Variants in PDYN observed in about 807,000 individuals in gnomAD.
PDYN encodes prodynorphin.
In PDYN, 5 loss-of-function variants were observed where a neutral mutation model predicts 11.4. The observed-to-expected ratio is 0.44, with a 90% CI of 0.23 to 0.92. The LOEUF (loss-of-function observed/expected upper bound fraction) is 0.92. Ranked by LOEUF, PDYN falls within the 40% of genes least tolerant of loss-of-function variation. The pLI is 0.24. For missense variants in PDYN, 337 were observed against 317.3 expected (o/e 1.06, Z -0.47); for synonymous variants, 132 against 129.5 (o/e 1.02, Z -0.13).
intron 1 of PDYN, 55 bp downstream of exon 1, chr20:1,993,856 G>A (rs1045363597): frequency 6.6e-6 from 1 of 152,658 alleles, no homozygotes; most frequent in African/African-American, 2.4e-5. Context: ...CAGAGGACCA[G>A]GAATAAGCAA....
intron 2 of PDYN, 47 bp from the exon 3 acceptor site, chr20:1,983,150 T>C: frequency 1.3e-6 from 2 of 1,516,644 alleles, no homozygotes; most frequent in South Asian, 1.2e-5. Context: ...ATCACCACTC[T>C]GTAGACTGTG....
intron 2 of PDYN, among the ~76,000 whole-genome samples, chr20:1,992,168 A>G (rs931511594): frequency 2.6e-5 from 4 of 152,186 alleles, no homozygotes; most frequent in African/African-American, 9.7e-5. Context: ...CATACAGGTA[A>G]AGAAAGTATG....
intron 2 of PDYN, among the ~76,000 whole-genome samples, chr20:1,985,597 G>A (rs1229282872): frequency 6.6e-6 from 1 of 152,122 alleles, no homozygotes; most frequent in Non-Finnish European, 1.5e-5. Context: ...CCACTTTATA[G>A]ACAAGAAAAC....
At chr20:1,986,554 G>T (rs1988193600) in intron 2 of PDYN, among the ~76,000 whole-genome samples, 1 of 152,178 alleles carries the variant, frequency 6.6e-6, no homozygotes, top group Non-Finnish European at 1.5e-5. Context: ...GCTGACATTT[G>T]CTAGTGCTCC....
chr20:1,982,811 A>G, intron 3 of PDYN, 145 bp downstream of exon 3: 1 of 790,236 alleles, frequency 1.3e-6, no homozygotes, highest in East Asian at 2.8e-5. Context: ...CAGGCCATCT[A>G]TAGGGCAGGA....
intron 3 of PDYN, 76 bp from the exon 4 acceptor site, chr20:1,981,034 C>T: frequency 6.4e-7 from 1 of 1,572,028 alleles, no homozygotes; most frequent in Non-Finnish European, 8.7e-7. Context: ...CTCCCCTGTC[C>T]AGTGTCTGAG....
chr20:1,983,034 G>A lies in PDYN; in HGVS notation c.51C>T (p.Ser17=). ...VLAACLLMFP[S]TTADCLSRCS... ...ACCGCGACAGGCAGTCCGCTGTGGTGGAGGGGAACATGAGGAGGCAGGCAG... is the reference window on the plus strand; with the variant it reads ...ACCGCGACAGGCAGTCCGCTGTGGTAGAGGGGAACATGAGGAGGCAGGCAG... The change falls in exon 3 of 4, where the codon TCC becomes TCT. Residue 17 remains serine, a synonymous_variant. Transcript: ENST00000217305. 6.2e-7 allele frequency: 1 copy of A among 1,613,980 alleles called. No individual in the cohort carries two copies. The highest frequency in any genetic ancestry group is 8.5e-7 in the Non-Finnish European group (1 of 1,179,948).
At position 1,980,009 on chromosome 20, in the gene PDYN, C is replaced by T. The variant is rs1987620482; in HGVS notation, c.*314G>A. On this transcript the variant is annotated 3_prime_UTR_variant, in exon 4 of 4. Coordinates refer to ENST00000217305, the MANE Select transcript of PDYN (RefSeq NM_024411.5). ...CTGGTTCCCTGGAATTGAGGAGTCACGTGAACAGGTTGGAAGGACAGATCA... is the reference window on the plus strand; with the variant it reads ...CTGGTTCCCTGGAATTGAGGAGTCATGTGAACAGGTTGGAAGGACAGATCA... 2 of 436,976 alleles carry T rather than the reference C, an allele frequency of 4.6e-6. No homozygotes were observed. Among genetic ancestry groups the T allele is most frequent in the South Asian group, 4.2e-5 (2 of 47,662 alleles). 27.1% of individuals were successfully genotyped at this position (436,976 alleles called of 1,614,324 possible). A position where few individuals can be genotyped will look rare whatever the true frequency, so the allele number is the denominator to read the frequency against.
chr20:1,987,084 G>A (rs1988220851), intron 2 of PDYN, among the ~76,000 whole-genome samples: 1 of 152,182 alleles, frequency 6.6e-6, no homozygotes, highest in South Asian at 2.1e-4. Context: ...TGTTGTGCTT[G>A]AGGATGACAA....
intron 2 of PDYN, among the ~76,000 whole-genome samples, chr20:1,988,431 G>A (rs769693374): frequency 6.6e-6 from 1 of 152,124 alleles, no homozygotes; most frequent in Non-Finnish European, 1.5e-5. Flanking sequence ...GAAGCATTTC[G>A]ACCTTTCTGA....
At chr20:1,987,971 T>A (rs1473114825) in intron 2 of PDYN, among the ~76,000 whole-genome samples, 1 of 152,158 alleles carries the variant, frequency 6.6e-6, no homozygotes, top group Admixed American at 6.5e-5. Context: ...CATAAAGAGC[T>A]TGGCACACTG....
At chr20:1,984,978 TG>T (rs1012039529) in intron 2 of PDYN, among the ~76,000 whole-genome samples, 6 of 152,174 alleles carry the variant, frequency 3.9e-5, no homozygotes, top group Non-Finnish European at 7.3e-5. Context: ...ATTTGATTTA[TG>T]GGGGCGCAGT....
rs1987536670 is a variant in PDYN, at chr20:1,978,821, C to A, written c.*1502G>T. 1 of 152,152 alleles carries A rather than the reference C, an allele frequency of 6.6e-6. No homozygotes were observed. Among genetic ancestry groups the A allele is most frequent in the African/African-American group, 2.4e-5 (1 of 41,430 alleles). 9.4% of individuals were successfully genotyped at this position (152,152 alleles called of 1,614,324 possible). A position where few individuals can be genotyped will look rare whatever the true frequency, so the allele number is the denominator to read the frequency against. On this transcript the variant is annotated 3_prime_UTR_variant, in exon 4 of 4. Transcript: ENST00000217305. Reference sequence around the variant, plus strand: ...GGAAATTACACAAGCCTATTAAAGGCTAAGCAAATTCCAAGTAAATTGCAT... The same window carrying A: ...GGAAATTACACAAGCCTATTAAAGGATAAGCAAATTCCAAGTAAATTGCAT...
In PDYN at chr20:1,980,950, G is replaced by A. The variant is rs746996074; in HGVS notation, c.138C>T (p.Ser46=). Residue 46 remains serine, a synonymous_variant, in exon 4 of 4, where the codon TCC becomes TCT. Transcript: ENST00000217305. ...GCAGCAGGGCAGCCTGGCATTGCAGGGAGCAAATCTGCAAAAGACCCAAAA... is the reference window on the plus strand; with the variant it reads ...GCAGCAGGGCAGCCTGGCATTGCAGAGAGCAAATCTGCAAAAGACCCAAAA... ...GPKPINPLIC[S]LQCQAALLPS... is the part of the protein sequence containing the mutation. 9 of 1,613,842 alleles carry A rather than the reference G, an allele frequency of 5.6e-6. No individual in the cohort carries two copies. The Admixed American group carries it at 1.5e-4, about 27-fold the overall frequency.
chr20:1,991,232 G>A (rs770246873), intron 2 of PDYN, among the ~76,000 whole-genome samples: 13 of 152,200 alleles, frequency 8.5e-5, no homozygotes, highest in Non-Finnish European at 1.6e-4. Flanking sequence ...TCAGTAAACC[G>A]CTGTCAAGTT....
chr20:1,991,387 T>C (rs995581858), intron 2 of PDYN, among the ~76,000 whole-genome samples: 1 of 152,232 alleles, frequency 6.6e-6, no homozygotes, highest in Admixed American at 6.5e-5. Flanking sequence ...AGGAGCCCCC[T>C]GAGCCAAGCC....
chr20:1,981,459 C>T (rs1987783529), intron 3 of PDYN, among the ~76,000 whole-genome samples: 1 of 152,032 alleles, frequency 6.6e-6, no homozygotes, highest in South Asian at 2.1e-4. Flanking sequence ...CTTCATAGGG[C>T]CATTGGGAGC....
In PDYN at chr20:1,979,450, T is replaced by C. The variant is rs1302030516; in HGVS notation, c.*873A>G. 6.6e-6 allele frequency: 1 copy of C among 152,256 alleles called. No individual in the cohort carries two copies. Among genetic ancestry groups the C allele is most frequent in the African/African-American group, 2.4e-5 (1 of 41,456 alleles). 9.4% of individuals were successfully genotyped at this position (152,256 alleles called of 1,614,324 possible). A position where few individuals can be genotyped will look rare whatever the true frequency, so the allele number is the denominator to read the frequency against. On this transcript the variant is annotated 3_prime_UTR_variant, in exon 4 of 4. Coordinates refer to ENST00000217305, the MANE Select transcript of PDYN (RefSeq NM_024411.5). ...TTAGTTTAATGAGGGCTGAGGGAAC[T>C]GGTCCACATTTTGAGTTTGTTGCAC...
In PDYN at chr20:1,987,762, C is replaced by T. The variant is rs374166308; in HGVS notation, c.-19-4659G>A. On this transcript the variant is annotated intron_variant, in intron 2 of 3. Coordinates refer to ENST00000217305, the MANE Select transcript of PDYN (RefSeq NM_024411.5). The stretch of plus-strand genomic sequence containing the variant: ...TAGCTTTACTGTGCCTCAGTTTTCT[C>T]AGCTACAAAATGGGGCTAATAATAA... Among the ~76,000 whole-genome samples the T allele has an allele frequency of 9.2e-5, 14 of 152,330 alleles. No individual in the cohort carries two copies. In the South Asian group the frequency reaches 2.7e-3, roughly 29 times the overall value.
Sources: allele counts gnomAD v4.1 joint callset (sites outside exome capture counted in the v4.1 genomes callset), GRCh38; gene constraint gnomAD v4.1.1; transcripts MANE v1.5; gene names NCBI Gene and HGNC (gene_info 2026-07-23, HGNC 2026-07-21).